The following EDRF1 variants were observed in gnomAD, a reference collection of about 807,000 sequenced individuals.
EDRF1 encodes erythroid differentiation-related factor 1.
In EDRF1, 69 loss-of-function variants were observed where a neutral mutation model predicts 148.7. The observed-to-expected ratio is 0.46, with a 90% CI of 0.38 to 0.57. EDRF1 has a LOEUF of 0.57. EDRF1 is among the 20% of genes least tolerant of loss of function. EDRF1 has a pLI of 0.00. For synonymous variants in EDRF1, 515 were observed against 532.8 expected (o/e 0.97, Z 0.46); for missense variants, 1,118 against 1,478.7 (o/e 0.76, Z 4.00).
At position 125,763,777 on chromosome 10, in the gene EDRF1, AT is replaced by A. The variant is rs1260502861; in HGVS notation, c.*306del. ...TTACACTTTCACGTATTTTTGAAGT[AT>A]GTCAAGCTACACGGGTCTAAGATAT... On this transcript the variant is annotated 3_prime_UTR_variant, in exon 25 of 25. Transcript: ENST00000356792. The surrounding 1 kb of genome is among the most constrained non-coding windows in gnomAD (Gnocchi z 4.3). 5 of 419,494 alleles carry A rather than the reference AT, an allele frequency of 1.2e-5. No individual in the cohort carries two copies. The highest frequency in any genetic ancestry group is 2.0e-5 in the African/African-American group (1 of 49,728). The allele number at this position is 419,494 out of a possible 1,614,324, so 26.0% of individuals were successfully genotyped here. A position where few individuals can be genotyped will look rare whatever the true frequency, so the allele number is the denominator to read the frequency against.
rs1176321827 is a variant in EDRF1 at position 125,753,715 on chromosome 10, G to A, written c.3415G>A (p.Ala1139Thr). The A allele has an allele frequency of 1.9e-6, 3 of 1,614,004 alleles. No individual in the cohort carries two copies. Among genetic ancestry groups the A allele is most frequent in the South Asian group, 2.2e-5 (2 of 91,062 alleles). ...TTAGCCTAAGAGTGGTGACGCCGCT[G>A]CAGCTGCTGATGCTTCTCCTAGTCT... ...FGQPKSGDAA[A>T]AADASPSLNR... Residue 1139 changes from alanine to threonine, a missense_variant, in exon 24 of 25, where the codon GCA becomes ACA. By Grantham distance (58) the Ala-to-Thr change is moderately conservative. This residue lies in a region of EDRF1 where 954 missense variants were observed against 1,241.4 expected (regional missense o/e 0.77). Coordinates refer to ENST00000356792, the MANE Select transcript of EDRF1 (RefSeq NM_001202438.2).
At position 125,721,445 on chromosome 10, in the gene EDRF1, C is replaced by T. The variant is rs561585608; in HGVS notation, c.317+33C>T. 4 of 1,583,888 alleles carry T rather than the reference C, an allele frequency of 2.5e-6. No homozygotes were observed. In the East Asian group the frequency reaches 8.9e-5, roughly 35 times the overall value. ...TTAATCAGTGGCATTTTTACCTGCC[C>T]CTCCACCCTCACTTAAAACTCTTAT... On this transcript the variant is annotated intron_variant, in intron 2 of 24. Coordinates refer to ENST00000356792, the MANE Select transcript of EDRF1 (RefSeq NM_001202438.2).
Position 125,725,855 on chromosome 10 carries a change from T to A in EDRF1, c.792+17T>A. Reference sequence around the variant, plus strand: ...TCCAGTCAGGTTAGTACTTAAATGCTAATTCTAGAAACTCACATAGGAAAA... The same window carrying A: ...TCCAGTCAGGTTAGTACTTAAATGCAAATTCTAGAAACTCACATAGGAAAA... On this transcript the variant is annotated intron_variant, in intron 6 of 24. Coordinates refer to ENST00000356792, the MANE Select transcript of EDRF1 (RefSeq NM_001202438.2). 5 of 1,610,384 alleles carry A rather than the reference T, an allele frequency of 3.1e-6. No homozygotes were observed. The highest frequency in any genetic ancestry group is 4.2e-6 in the Non-Finnish European group (5 of 1,179,604).
At position 125,725,778 on chromosome 10, in the gene EDRF1, A is replaced by G. The variant is rs775544714; in HGVS notation, c.732A>G (p.Ser244=). 2 of 1,614,104 alleles carry G rather than the reference A, an allele frequency of 1.2e-6. No individual in the cohort carries two copies. Among genetic ancestry groups the G allele is most frequent in the East Asian group, 4.5e-5 (2 of 44,876 alleles). Reference sequence around the variant, plus strand: ...AGACAAATGATTCGGAAGGGGCTTCATGGCCTGCTCCCTTCGAAATGCCTT... The same window carrying G: ...AGACAAATGATTCGGAAGGGGCTTCGTGGCCTGCTCCCTTCGAAATGCCTT... ...SDQTNDSEGA[S]WPAPFEMPSS... is the part of the protein sequence containing the mutation. The change falls in exon 6 of 25, where the codon TCA becomes TCG. Residue 244 remains serine (S), a synonymous_variant. Coordinates refer to ENST00000356792, the MANE Select transcript of EDRF1 (RefSeq NM_001202438.2).
At position 125,749,457 on chromosome 10, in the gene EDRF1, CTTCATT is replaced by C; in HGVS notation, c.3170_3175del (p.Leu1057_Tyr1059delinsHis). On this transcript the variant is annotated inframe_deletion, in exon 22 of 25. Coordinates refer to ENST00000356792, the MANE Select transcript of EDRF1 (RefSeq NM_001202438.2). ...GAAACAACACCGGGTGCTGGCAGAT[CTTCATT>C]ACAGCAAGGCCGCAAAGCTGTTTCA... 6.2e-7 allele frequency: 1 copy of C among 1,614,188 alleles called. No homozygotes were observed. The highest frequency in any genetic ancestry group is 1.1e-5 in the South Asian group (1 of 91,086).
chr10:125,724,470 G>A lies in EDRF1; in HGVS notation c.510+534G>A, dbSNP rs373939190. Among the ~76,000 whole-genome samples, 71 of 152,286 alleles carry A rather than the reference G, an allele frequency of 4.7e-4. 1 individual carries two copies. Among genetic ancestry groups the A allele is most frequent in the African/African-American group, 1.7e-3 (69 of 41,554 alleles). ...ATACTTCAGTCACATGTACAGATTT[G>A]TAGCCTGGGAGCAATAGGCTATACC... On this transcript the variant is annotated intron_variant, in intron 4 of 24. Coordinates refer to ENST00000356792, the MANE Select transcript of EDRF1 (RefSeq NM_001202438.2).
chr10:125,723,789 T>A (rs919293608), intron 3 of EDRF1, 22 bp from the exon 4 acceptor site: 1 of 1,606,992 alleles, frequency 6.2e-7, no homozygotes, highest in Non-Finnish European at 8.5e-7. Flanking sequence ...TTCTAAACTA[T>A]TTTTTCTCTT....
chr10:125,753,700 A>C lies in EDRF1; in HGVS notation c.3400A>C (p.Ser1134Arg). The C allele has an allele frequency of 6.2e-7, 1 of 1,614,010 alleles. No individual in the cohort carries two copies. The highest frequency in any genetic ancestry group is 1.3e-5 in the African/African-American group (1 of 74,972). ...ELIEEFGQPK[S>R]GDAAAAADAS... ...AACTTTTTGTTGTTTTTAGCCTAAGAGTGGTGACGCCGCTGCAGCTGCTGA... is the reference window on the plus strand; with the variant it reads ...AACTTTTTGTTGTTTTTAGCCTAAGCGTGGTGACGCCGCTGCAGCTGCTGA... The change falls in exon 24 of 25, where the codon AGT becomes CGT. Residue 1134 changes from serine (S) to arginine (R), a missense_variant. By Grantham distance (110) the Ser-to-Arg change is moderately radical. Transcript: ENST00000356792.
At position 125,740,608 on chromosome 10, in the gene EDRF1, C is replaced by T. The variant is rs77703055; in HGVS notation, c.2127C>T (p.Tyr709=). ...LSDAAMSLQK[Y]GRALRYIKLA... ...ATGCTGCCATGAGTCTTCAGAAATA[C>T]GGAAGAGCATTACGATACATTAAAT... Residue 709 remains tyrosine (Y), a synonymous_variant, in exon 16 of 25, where the codon TAC becomes TAT. Transcript: ENST00000356792. 468 of 1,613,982 alleles carry T rather than the reference C, an allele frequency of 2.9e-4. 2 individuals carry two copies. The African/African-American group carries it at 5.0e-3, about 17-fold the overall frequency.
At position 125,721,252 on chromosome 10, in the gene EDRF1, G is replaced by C; in HGVS notation, c.157G>C (p.Val53Leu). 5.0e-6 allele frequency: 8 copies of C among 1,614,188 alleles called. No homozygotes were observed. The highest frequency in any genetic ancestry group is 6.8e-6 in the Non-Finnish European group (8 of 1,180,040). ...GGNEVKSRAV[V>L]KYSSAPPRTA... is the part of the protein sequence containing the mutation. The stretch of plus-strand genomic sequence containing the variant: ...CAATGAAGTGAAGAGCCGAGCTGTG[G>C]TGAAATACTCTTCTGCCCCTCCTCG... The change falls in exon 2 of 25, where the codon GTG becomes CTG. Residue 53 changes from valine to leucine, a missense_variant. Transcript: ENST00000356792.
chr10:125,742,215 G>A (rs1430548185), intron 17 of EDRF1: 1 of 1,289,166 alleles, frequency 7.8e-7, no homozygotes. Flanking sequence ...GTTTGGAATT[G>A]TCAGGCTTTA....
At position 125,747,910 on chromosome 10, in the gene EDRF1, C is replaced by T. The variant is rs756027072; in HGVS notation, c.3021C>T (p.Cys1007=). Residue 1007 remains cysteine (C), a synonymous_variant, in exon 21 of 25, where the codon TGC becomes TGT. Transcript: ENST00000356792. ...CCATGATGAAGTCCCTAAAATACTG[C>T]GATGTGGATTCAGTGTCTGCTCGAC... ...SEAMMKSLKY[C]DVDSVSARQP... is the part of the protein sequence containing the mutation. The T allele has an allele frequency of 1.5e-5, 25 of 1,613,988 alleles. No individual in the cohort carries two copies. The highest frequency in any genetic ancestry group is 4.5e-5 in the East Asian group (2 of 44,898).
chr10:125,740,321 A>C (rs1848951156), intron 15 of EDRF1, 142 bp from the exon 16 acceptor site: 1 of 893,674 alleles, frequency 1.1e-6, no homozygotes, highest in African/African-American at 1.7e-5. Context: ...ACTCCAGTGT[A>C]TTTAAGCAGT....
At chr10:125,749,310 C>T in intron 21 of EDRF1, 102 bp from the exon 22 acceptor site, 2 of 1,304,612 alleles carry the variant, frequency 1.5e-6, no homozygotes, top group South Asian at 2.4e-5. Flanking sequence ...ACTAATAAGA[C>T]CTAGTAAGAC....
rs946926849 is a variant in EDRF1, at chr10:125,724,014, G to A, written c.510+78G>A. 2.6e-6 allele frequency: 4 copies of A among 1,547,370 alleles called. No individual in the cohort carries two copies. The African/African-American group carries it at 5.4e-5, about 21-fold the overall frequency. ...GAAATACGATTTTGTTTCAGAGAAT[G>A]GCCAAAGTGGAAATGTAGTTGAGTA... On this transcript the variant is annotated intron_variant, in intron 4 of 24. Coordinates refer to ENST00000356792, the MANE Select transcript of EDRF1 (RefSeq NM_001202438.2).
At chr10:125,745,592 T>C (rs1849308659) in intron 18 of EDRF1, 115 bp from the exon 19 acceptor site, 1 of 1,056,028 alleles carries the variant, frequency 9.5e-7, no homozygotes, top group Admixed American at 1.9e-5. Context: ...TGCAGGTGAC[T>C]GGCTCGCCAC....
At chr10:125,754,841 T>C (rs1281602286) in intron 24 of EDRF1, among the ~76,000 whole-genome samples, 1 of 152,212 alleles carries the variant, frequency 6.6e-6, no homozygotes, top group African/African-American at 2.4e-5. Context: ...TTACCAGTTA[T>C]CTTATGTATA....
intron 16 of EDRF1, 141 bp from the exon 17 acceptor site, chr10:125,740,860 T>A: frequency 2.7e-6 from 3 of 1,091,222 alleles, no homozygotes; most frequent in Non-Finnish European, 4.1e-6. Flanking sequence ...AGCCGTAATA[T>A]GTATTGTTGG....
At chr10:125,723,021 A>G (rs760428103) in intron 2 of EDRF1, 47 bp from the exon 3 acceptor site, 1 of 1,414,990 alleles carries the variant, frequency 7.1e-7, no homozygotes, top group Non-Finnish European at 1.0e-6. Flanking sequence ...TACTTGCATG[A>G]TTATGAGCAT....
Sources: allele counts gnomAD v4.1 joint callset (sites outside exome capture counted in the v4.1 genomes callset), GRCh38; gene constraint gnomAD v4.1.1; regional missense constraint gnomAD v4.1.1; non-coding constraint Gnocchi (gnomAD v3.1); transcripts MANE v1.5; gene names NCBI Gene and HGNC (gene_info 2026-07-23, HGNC 2026-07-21).